The following CYTH3 variants were observed in gnomAD, a reference collection of about 807,000 sequenced individuals.
CYTH3 encodes the protein cytohesin 3.
Under a neutral mutation model 55.1 loss-of-function variants are expected in CYTH3, and 23 were observed. That is an observed-to-expected ratio of 0.42 (90% confidence interval 0.30 to 0.59). The LOEUF (loss-of-function observed/expected upper bound fraction) is 0.59. CYTH3 is among the 20% of genes least tolerant of loss of function. The pLI, the probability that CYTH3 is intolerant of heterozygous loss-of-function variation, is 0.20. For synonymous variants in CYTH3, 249 were observed against 194.9 expected (o/e 1.28, Z -2.31); for missense variants, 413 against 524.8 (o/e 0.79, Z 2.08).
intron 1 of CYTH3, among the ~76,000 whole-genome samples, chr7:6,271,902 GC>G (rs757912574): frequency 6.6e-6 from 1 of 151,982 alleles, no homozygotes; most frequent in Non-Finnish European, 1.5e-5. Context: ...ACTCCAGCTG[GC>G]CCCCTCCCCG....
rs145665182 is a variant in CYTH3 at position 6,256,396 on chromosome 7, C to T, written c.34+16078G>A. On this transcript the variant is annotated intron_variant, in intron 1 of 12. Transcript: ENST00000350796. ...AGGATAGTGGACTTCTCTCTGAAGA[C>T]ACAAATTCTTTGCTCCCCTTTACAG... 1.3e-3 allele frequency among the ~76,000 whole-genome samples: 199 copies of T among 152,346 alleles called. 2 individuals carry two copies. The highest frequency in any genetic ancestry group is 3.4e-3 in the Middle Eastern group (1 of 294).
rs1194681354 is a variant in CYTH3 at position 6,167,379 on chromosome 7, T to G, written c.824-1569A>C. Among the ~76,000 whole-genome samples the G allele has an allele frequency of 6.6e-6, 1 of 152,038 alleles. No individual in the cohort carries two copies. The highest frequency in any genetic ancestry group is 2.4e-5 in the African/African-American group (1 of 41,382). The stretch of plus-strand genomic sequence containing the variant: ...GGACAGGAGGACAGTGCTGATTCCT[T>G]CCAGGCACTTGCTCCAGCTTGAACT... On this transcript the variant is annotated intron_variant, in intron 9 of 12. Coordinates refer to ENST00000350796, the MANE Select transcript of CYTH3 (RefSeq NM_004227.4). This position sits in a 1 kb window ranked among gnomAD's most constrained non-coding sequence, Gnocchi z 5.5.
chr7:6,188,909 T>G (rs1185073038), intron 2 of CYTH3: 1 of 152,220 alleles, frequency 6.6e-6, no homozygotes, highest in Non-Finnish European at 1.5e-5. Flanking sequence ...AAAATTTCCA[T>G]GAATTACCTT....
At position 6,165,766 on chromosome 7, in the gene CYTH3, C is replaced by T. The variant is rs1782980293; in HGVS notation, c.868G>A (p.Asp290Asn). 2 of 1,614,096 alleles carry T rather than the reference C, an allele frequency of 1.2e-6. No homozygotes were observed. Among genetic ancestry groups the T allele is most frequent in the Non-Finnish European group, 1.7e-6 (2 of 1,179,988 alleles). Residue 290 changes from aspartate (D) to asparagine (N), a missense_variant, in exon 10 of 13, where the codon GAT becomes AAT. By Grantham distance (23) the Asp-to-Asn change is conservative (BLOSUM62 1). Coordinates refer to ENST00000350796, the MANE Select transcript of CYTH3 (RefSeq NM_004227.4). ...TATTCAAAGTAATAGAGGCAGTTAT[C>T]GGTCAGGATGAACCACCGGCGCTTC... is the stretch of plus-strand genomic sequence containing the variant. Reference protein sequence around the residue: ...TWKRRWFILTDNCLYYFEYTT... With the variant: ...TWKRRWFILTNNCLYYFEYTT...
chr7:6,249,692 G>T (rs1779910703), intron 1 of CYTH3, among the ~76,000 whole-genome samples: 2 of 152,270 alleles, frequency 1.3e-5, no homozygotes, highest in South Asian at 2.1e-4. Context: ...CTTTGCAAAA[G>T]GTCCCTTCCC....
At chr7:6,246,910 C>A (rs182565390) in intron 1 of CYTH3, among the ~76,000 whole-genome samples, 2 of 151,652 alleles carry the variant, frequency 1.3e-5, no homozygotes, top group African/African-American at 4.8e-5. Context: ...CCACAAGTTC[C>A]GCATTCTTGA....
At chr7:6,238,637 T>C (rs1399666032) in intron 1 of CYTH3, among the ~76,000 whole-genome samples, 1 of 152,176 alleles carries the variant, frequency 6.6e-6, no homozygotes, top group Non-Finnish European at 1.5e-5. Flanking sequence ...CATTAAACAT[T>C]TGCCCAAACC....
intron 1 of CYTH3, among the ~76,000 whole-genome samples, chr7:6,242,688 G>C (rs1410429778): frequency 1.3e-5 from 2 of 152,076 alleles, no homozygotes; most frequent in Non-Finnish European, 2.9e-5. Context: ...ACTCTATGTA[G>C]GTCCAGGATC....
At chr7:6,179,870 A>C (rs975666588) in intron 4 of CYTH3, among the ~76,000 whole-genome samples, 5 of 70,076 alleles carry the variant, frequency 7.1e-5, no homozygotes, top group Admixed American at 2.5e-4. Context: ...ACACACACCC[A>C]CACACACCAC....
intron 9 of CYTH3, among the ~76,000 whole-genome samples, chr7:6,168,102 C>G (rs922630247): frequency 6.6e-5 from 10 of 152,178 alleles, no homozygotes; most frequent in Non-Finnish European, 1.0e-4. Context: ...ATGGGAGCCA[C>G]TTTCTCTCTG....
chr7:6,185,307 T>C (rs965909033), intron 4 of CYTH3, among the ~76,000 whole-genome samples: 1 of 152,166 alleles, frequency 6.6e-6, no homozygotes, highest in Non-Finnish European at 1.5e-5. Context: ...AGACATGGCC[T>C]GGCGCAGTGG....
chr7:6,170,336 G>T lies in CYTH3; in HGVS notation c.823+199C>A. 1 of 587,174 alleles carries T rather than the reference G, an allele frequency of 1.7e-6. No homozygotes were observed. The highest frequency in any genetic ancestry group is 3.0e-6 in the Non-Finnish European group (1 of 334,496). 36.4% of individuals were successfully genotyped at this position (587,174 alleles called of 1,614,324 possible). On this transcript the variant is annotated intron_variant, in intron 9 of 12. Coordinates refer to ENST00000350796, the MANE Select transcript of CYTH3 (RefSeq NM_004227.4). The surrounding 1 kb of genome is among the most constrained non-coding windows in gnomAD (Gnocchi z 7.8). ...GCCTGGGCGCTACTCTCTGCCGCGG[G>T]CATGGCTCTGAGGCCCCGGCTCGGA...
intron 1 of CYTH3, among the ~76,000 whole-genome samples, chr7:6,224,707 G>A (rs1255550630): frequency 6.6e-6 from 1 of 152,154 alleles, no homozygotes; most frequent in Non-Finnish European, 1.5e-5. Context: ...CTACTTCTAC[G>A]TATATACCCA....
intron 1 of CYTH3, among the ~76,000 whole-genome samples, chr7:6,215,917 C>A (rs1784414623): frequency 6.6e-6 from 1 of 152,180 alleles, no homozygotes; most frequent in South Asian, 2.1e-4. Flanking sequence ...GAAGAAAGAA[C>A]TGTCAACCCT....
At chr7:6,234,568 T>C (rs1267108723) in intron 1 of CYTH3, among the ~76,000 whole-genome samples, 1 of 152,318 alleles carries the variant, frequency 6.6e-6, no homozygotes, top group South Asian at 2.1e-4. Flanking sequence ...AAGGCCTGGA[T>C]GCTCATGAAG....
chr7:6,190,551 A>C lies in CYTH3; in HGVS notation c.35-20T>G, dbSNP rs1265255643. The stretch of plus-strand genomic sequence containing the variant: ...CAGGCACTGAAAGAAGAAAAAAATA[A>C]TTAACTACTTTGGAGAACACATTGG... On this transcript the variant is annotated intron_variant, in intron 1 of 12. Coordinates refer to ENST00000350796, the MANE Select transcript of CYTH3 (RefSeq NM_004227.4). 6.7e-7 allele frequency: 1 copy of C among 1,496,902 alleles called. No homozygotes were observed. The highest frequency in any genetic ancestry group is 2.5e-5 in the East Asian group (1 of 40,554). 92.7% of individuals were successfully genotyped at this position (1,496,902 alleles called of 1,614,324 possible).
intron 1 of CYTH3, among the ~76,000 whole-genome samples, chr7:6,208,389 G>A (rs747653065): frequency 2.0e-5 from 3 of 152,166 alleles, no homozygotes; most frequent in Non-Finnish European, 4.4e-5. Context: ...AAGAATCACT[G>A]TAGTGGCATG....
At chr7:6,260,584 T>C (rs760633184) in intron 1 of CYTH3, among the ~76,000 whole-genome samples, 2 of 152,104 alleles carry the variant, frequency 1.3e-5, no homozygotes, top group African/African-American at 2.4e-5. Context: ...TCTCCCCAAA[T>C]TGTTTTTCTT....
At position 6,163,909 on chromosome 7, in the gene CYTH3, C is replaced by T. The variant is rs1782912630; in HGVS notation, c.*1035G>A. 6.6e-6 allele frequency: 1 copy of T among 152,212 alleles called. No individual in the cohort carries two copies. Among genetic ancestry groups the T allele is most frequent in the Non-Finnish European group, 1.5e-5 (1 of 68,036 alleles). 9.4% of individuals were successfully genotyped at this position (152,212 alleles called of 1,614,324 possible). On this transcript the variant is annotated 3_prime_UTR_variant, in exon 13 of 13. Transcript: ENST00000350796. ...GTCAAAAGCCGGTCTAACCTGCTGACCTGTATGAAACGCTGCCATGTGTGT... is the reference window on the plus strand; with the variant it reads ...GTCAAAAGCCGGTCTAACCTGCTGATCTGTATGAAACGCTGCCATGTGTGT...
Sources: allele counts gnomAD v4.1 joint callset (sites outside exome capture counted in the v4.1 genomes callset), GRCh38; gene constraint gnomAD v4.1.1; non-coding constraint Gnocchi (gnomAD v3.1); transcripts MANE v1.5; gene names NCBI Gene and HGNC (gene_info 2026-07-23, HGNC 2026-07-21).